The following MBNL3 variants were observed in gnomAD, a reference collection of about 807,000 sequenced individuals.
MBNL3 encodes the protein muscleblind-like protein 3.
MBNL3 carries 6 observed loss-of-function variants against 24.5 expected under a neutral mutation model. That is an observed-to-expected ratio of 0.25 (90% confidence interval 0.13 to 0.48). The LOEUF (loss-of-function observed/expected upper bound fraction) is 0.48. Ranked by LOEUF, MBNL3 falls within the 20% of genes least tolerant of loss-of-function variation. MBNL3 has a pLI of 0.99. For synonymous variants in MBNL3, 100 were observed against 101.7 expected, an observed-to-expected ratio of 0.98 and a Z score of 0.10; for missense variants, 230 against 293.5, an observed-to-expected ratio of 0.78 and a Z score of 1.58.
At chrX:132,485,229 T>C (rs927244231) in intron 1 of MBNL3, among the ~76,000 whole-genome samples, 1 of 111,550 alleles carries the variant, frequency 9.0e-6, no homozygotes, top group Non-Finnish European at 1.9e-5. Flanking sequence ...CTGTATACAT[T>C]GTTTTGAATT....
intron 2 of MBNL3, among the ~76,000 whole-genome samples, chrX:132,408,851 A>G (rs1942285131): frequency 8.9e-6 from 1 of 112,490 alleles, no homozygotes; most frequent in Non-Finnish European, 1.9e-5. Context: ...CATCTTAGTT[A>G]TGAGATTTTA....
intron 2 of MBNL3, chrX:132,413,456 C>A: frequency 8.9e-7 from 1 of 1,125,901 alleles, no homozygotes; most frequent in Non-Finnish European, 1.2e-6. Context: ...AAAGGCAAAT[C>A]CTTGAAAACC....
rs1456078124 is a variant in MBNL3, at chrX:132,375,260, TATA to T, written c.*4403_*4405del. ...TTTTGTTGCCAAAGCAACAACTAAATATAATTAGATAACAATTATTATTTGTAT... is the reference window on the plus strand; with the variant it reads ...TTTTGTTGCCAAAGCAACAACTAAATATTAGATAACAATTATTATTTGTAT... On this transcript the variant is annotated 3_prime_UTR_variant, in exon 9 of 9. Transcript: ENST00000370853. The T allele has an allele frequency of 8.9e-6, 1 of 111,827 alleles. No homozygotes were observed. Among genetic ancestry groups the T allele is most frequent in the African/African-American group, 3.2e-5 (1 of 30,836 alleles). 9.2% of individuals were successfully genotyped at this position (111,827 alleles called of 1,213,427 possible).
intron 2 of MBNL3, among the ~76,000 whole-genome samples, chrX:132,424,315 C>T: frequency 8.9e-6 from 1 of 111,974 alleles, no homozygotes; most frequent in Non-Finnish European, 1.9e-5. Flanking sequence ...TCTTCTCTCT[C>T]CCATAACTAG....
chrX:132,420,768 T>C (rs773352752), intron 2 of MBNL3, among the ~76,000 whole-genome samples: 1 of 110,713 alleles, frequency 9.0e-6, no homozygotes, highest in Non-Finnish European at 1.9e-5. Context: ...GCCAGTGCAC[T>C]CCAGCCTGGA....
chrX:132,476,802 A>G (rs1007364878), intron 1 of MBNL3, among the ~76,000 whole-genome samples: 1 of 111,701 alleles, frequency 9.0e-6, no homozygotes, highest in Non-Finnish European at 1.9e-5. Flanking sequence ...TAACAAAAAA[A>G]TCCCAGAAGG....
At chrX:132,473,808 T>C (rs1206326673) in intron 1 of MBNL3, among the ~76,000 whole-genome samples, 1 of 111,743 alleles carries the variant, frequency 8.9e-6, no homozygotes, top group Non-Finnish European at 1.9e-5. Flanking sequence ...AAAACGCTGG[T>C]TTAGATCATT....
At chrX:132,408,111 T>TACCAA (rs1432158289) in intron 2 of MBNL3, among the ~76,000 whole-genome samples, 1 of 41,812 alleles carries the variant, frequency 2.4e-5, no homozygotes, top group East Asian at 6.5e-4. Flanking sequence ...TTTTTTTTTT[T>TACCAA]TTTTTTTTTT....
At position 132,371,619 on chromosome X, in the gene MBNL3, A is replaced by C. The variant is rs1213377277; in HGVS notation, c.*8047T>G. ...ACACTAGGGATGCAGGATAGACATG[A>C]ATAACTGGGAAAGAGAAACTTCTAA... On this transcript the variant is annotated 3_prime_UTR_variant, in exon 9 of 9. Transcript: ENST00000370853. The C allele has an allele frequency of 9.0e-6, 1 of 111,518 alleles. No individual in the cohort carries two copies. The highest frequency in any genetic ancestry group is 1.9e-5 in the Non-Finnish European group (1 of 53,040). The allele number at this position is 111,518 out of a possible 1,213,427, so 9.2% of individuals were successfully genotyped here.
At position 132,449,983 on chromosome X, in the gene MBNL3, C is replaced by A. The variant is rs888646726; in HGVS notation, c.-703-9669G>T. 2.2e-3 allele frequency among the ~76,000 whole-genome samples: 145 copies of A among 64,834 alleles called. 8 individuals are homozygous for A. The highest frequency in any genetic ancestry group is 7.0e-3 in the African/African-American group (141 of 20,277). 56.3% of individuals were successfully genotyped at this position (64,834 alleles called of 115,157 possible). ...TTTAAGAATGCTGAATATTGCCCCC[C>A]CCCCCCCCCCGCCACTTCTGGCTTG... is the stretch of plus-strand genomic sequence containing the variant. On this transcript the variant is annotated intron_variant, in intron 1 of 8. Transcript: ENST00000370853.
chrX:132,417,348 A>T (rs927899112), intron 2 of MBNL3, among the ~76,000 whole-genome samples: 8 of 112,133 alleles, frequency 7.1e-5, no homozygotes, highest in African/African-American at 2.6e-4. Flanking sequence ...CTTTAAAATA[A>T]ATCAATGCCT....
chrX:132,380,684 G>A (rs893141740), intron 8 of MBNL3, among the ~76,000 whole-genome samples: 2 of 111,090 alleles, frequency 1.8e-5, no homozygotes, highest in East Asian at 5.6e-4. Flanking sequence ...GCAATTCAGA[G>A]TTGGTACACT....
Position 132,369,536 on chromosome X carries a change from C to T in MBNL3, c.*10130G>A, listed in dbSNP as rs1214407571. 1 of 111,296 alleles carries T rather than the reference C, an allele frequency of 9.0e-6. No individual in the cohort carries two copies. Among genetic ancestry groups the T allele is most frequent in the African/African-American group, 3.3e-5 (1 of 30,612 alleles). 9.2% of individuals were successfully genotyped at this position (111,296 alleles called of 1,213,427 possible). On this transcript the variant is annotated 3_prime_UTR_variant, in exon 9 of 9. Coordinates refer to ENST00000370853, the MANE Select transcript of MBNL3 (RefSeq NM_001386889.1). The stretch of plus-strand genomic sequence containing the variant: ...TGCTTTCCCACCCTCTTCTTGAAAA[C>T]TACATTGAACCTCTATGGGTTAATC...
chrX:132,466,808 G>T (rs1316139250), intron 1 of MBNL3, among the ~76,000 whole-genome samples: 1 of 111,389 alleles, frequency 9.0e-6, no homozygotes, highest in Non-Finnish European at 1.9e-5. Context: ...GGTGAGGCAG[G>T]GGGCTGACCT....
intron 2 of MBNL3, chrX:132,413,669 C>A: frequency 8.0e-6 from 8 of 995,050 alleles, no homozygotes; most frequent in Non-Finnish European, 1.0e-5. Context: ...AAGCTTCACA[C>A]GGCTCGCTAC....
intron 1 of MBNL3, among the ~76,000 whole-genome samples, chrX:132,485,233 T>C (rs935912406): frequency 1.8e-5 from 2 of 111,633 alleles, no homozygotes; most frequent in Non-Finnish European, 3.8e-5. Flanking sequence ...ATACATTGTT[T>C]TGAATTGACC....
At chrX:132,487,780 G>A (rs772924150) in intron 1 of MBNL3, among the ~76,000 whole-genome samples, 6 of 112,277 alleles carry the variant, frequency 5.3e-5, no homozygotes, top group African/African-American at 9.7e-5. Flanking sequence ...CCAAGGAGAA[G>A]ATGGAAATAT....
chrX:132,397,809 C>A (rs987404861), intron 3 of MBNL3, among the ~76,000 whole-genome samples: 1 of 110,964 alleles, frequency 9.0e-6, no homozygotes, highest in African/African-American at 3.3e-5. Context: ...ATCTCTCTTT[C>A]ACAGTATTTG....
chrX:132,408,343 A>C (rs1299960647), intron 2 of MBNL3, among the ~76,000 whole-genome samples: 1 of 108,268 alleles, frequency 9.2e-6, no homozygotes, highest in East Asian at 2.9e-4. Context: ...GCATTGCTTA[A>C]GGATTGCAGA....
Sources: allele counts gnomAD v4.1 joint callset (sites outside exome capture counted in the v4.1 genomes callset), GRCh38; gene constraint gnomAD v4.1.1; transcripts MANE v1.5; gene names NCBI Gene and HGNC (gene_info 2026-07-23, HGNC 2026-07-21).